TIAM1: variants seen among roughly 807,000 people sequenced by gnomAD.
TIAM1 encodes the protein TIAM Rac1 associated GEF 1, also known as rho guanine nucleotide exchange factor TIAM1.
In TIAM1, 65 loss-of-function variants were observed where a neutral mutation model predicts 163.5. The observed-to-expected ratio is 0.40, with a 90% CI of 0.33 to 0.49. The LOEUF (loss-of-function observed/expected upper bound fraction) is 0.49, where lower values mean the gene tolerates loss of function less well. Ranked by LOEUF, TIAM1 falls within the 20% of genes least tolerant of loss-of-function variation. The probability of loss-of-function intolerance (pLI) is 0.77; values close to 1 mark genes in which losing one functional copy is unlikely to be tolerated. For missense variants in TIAM1, 1,789 were observed against 2,044.7 expected, an observed-to-expected ratio of 0.87 and a Z score of 2.41; for synonymous variants, 833 against 810.1, an observed-to-expected ratio of 1.03 and a Z score of -0.48.
intron 4 of TIAM1, among the ~76,000 whole-genome samples, chr21:31,256,844 T>A (rs1033167613): frequency 6.6e-6 from 1 of 152,178 alleles, no homozygotes; most frequent in African/African-American, 2.4e-5. Context: ...AAAAGTGTCT[T>A]AAACTGAGCC....
chr21:31,164,852 A>C, intron 16 of TIAM1, 110 bp downstream of exon 16: 1 of 1,081,244 alleles, frequency 9.2e-7, no homozygotes, highest in Non-Finnish European at 1.4e-6. Flanking sequence ...AAGCAAAAAC[A>C]CTTCGTCCAT....
intron 3 of TIAM1, among the ~76,000 whole-genome samples, chr21:31,276,216 A>G (rs546679238): frequency 1.2e-4 from 18 of 152,322 alleles, no homozygotes; most frequent in East Asian, 1.2e-3. Context: ...CTAAATCGTT[A>G]CAACCCATGA....
At chr21:31,149,208 A>C (rs1351183877) in intron 19 of TIAM1, among the ~76,000 whole-genome samples, 1 of 152,194 alleles carries the variant, frequency 6.6e-6, no homozygotes, top group African/African-American at 2.4e-5. Context: ...AATTGAGAAG[A>C]GTGATGGTTG....
intron 1 of TIAM1, among the ~76,000 whole-genome samples, chr21:31,526,559 A>T (rs2047792146): frequency 6.6e-6 from 1 of 152,202 alleles, no homozygotes; most frequent in South Asian, 2.1e-4. Flanking sequence ...AGACGATATG[A>T]CAATGCTTTC....
At chr21:31,337,801 A>G (rs1452777034) in intron 2 of TIAM1, among the ~76,000 whole-genome samples, 1 of 151,954 alleles carries the variant, frequency 6.6e-6, no homozygotes, top group African/African-American at 2.4e-5. Flanking sequence ...AACTGCTGGG[A>G]TTACGGGTGT....
At chr21:31,366,014 G>T (rs1338089123) in intron 2 of TIAM1, among the ~76,000 whole-genome samples, 1 of 149,966 alleles carries the variant, frequency 6.7e-6, no homozygotes, top group East Asian at 2.0e-4. Flanking sequence ...CTTAACCCGG[G>T]AGGTGGAGGT....
intron 10 of TIAM1, 128 bp from the exon 11 acceptor site, chr21:31,210,343 G>C: frequency 1.1e-6 from 1 of 912,932 alleles, no homozygotes; most frequent in Non-Finnish European, 1.7e-6. Context: ...GGCAGTGGTG[G>C]GAGGCAGGGG....
At chr21:31,206,248 C>T (rs886738964) in intron 11 of TIAM1, among the ~76,000 whole-genome samples, 1 of 152,052 alleles carries the variant, frequency 6.6e-6, no homozygotes, top group Admixed American at 6.6e-5. Context: ...TTGTTAATCA[C>T]GGCTGGTCTA....
intron 2 of TIAM1, among the ~76,000 whole-genome samples, chr21:31,385,849 TA>T (rs2076858812): frequency 7.0e-6 from 1 of 142,254 alleles, no homozygotes; most frequent in African/African-American, 2.6e-5. Context: ...TATTTATATA[TA>T]ATACATATTG....
chr21:31,251,734 G>T lies in TIAM1; in HGVS notation c.1411+8C>A. On this transcript the variant is annotated splice_region_variant and intron_variant, in intron 5 of 27. Coordinates refer to ENST00000541036, the MANE Select transcript of TIAM1 (RefSeq NM_001353694.2). ...TTTGGCACATAGCCGGGGCCCTCCC[G>T]CTCTCACCTTTCAGGGACACCCAGT... 2 of 1,572,392 alleles carry T rather than the reference G, an allele frequency of 1.3e-6. No homozygotes were observed. Among genetic ancestry groups the T allele is most frequent in the African/African-American group, 2.7e-5 (2 of 74,368 alleles).
intron 2 of TIAM1, among the ~76,000 whole-genome samples, chr21:31,338,450 C>T (rs1423721915): frequency 6.6e-6 from 1 of 152,164 alleles, no homozygotes; most frequent in African/African-American, 2.4e-5. Flanking sequence ...GAGAGGAAGG[C>T]AAAGTTGAAA....
At chr21:31,511,662 T>C (rs2047214438) in intron 1 of TIAM1, among the ~76,000 whole-genome samples, 1 of 152,212 alleles carries the variant, frequency 6.6e-6, no homozygotes, top group African/African-American at 2.4e-5. Flanking sequence ...CTCTCAGTTG[T>C]ATGTGAAATC....
intron 2 of TIAM1, among the ~76,000 whole-genome samples, chr21:31,430,210 GAAAA>G (rs57117941): frequency 1.9e-3 from 172 of 89,418 alleles, no homozygotes; most frequent in African/African-American, 6.7e-3. Flanking sequence ...CCATCTCAAA[GAAAA>G]AAAAAAAAAA....
chr21:31,515,801 G>T (rs372761762), intron 1 of TIAM1, among the ~76,000 whole-genome samples: 200 of 152,244 alleles, frequency 1.3e-3, no homozygotes, highest in African/African-American at 4.7e-3. Context: ...ACCATTGTCT[G>T]CAGTAAGATT....
At chr21:31,269,590 C>G (rs555866333) in intron 3 of TIAM1, among the ~76,000 whole-genome samples, 1 of 151,852 alleles carries the variant, frequency 6.6e-6, no homozygotes, top group South Asian at 2.1e-4. Flanking sequence ...TCATTGCATA[C>G]AGGAGACACA....
chr21:31,311,416 C>G (rs2074925501), intron 2 of TIAM1, among the ~76,000 whole-genome samples: 1 of 152,170 alleles, frequency 6.6e-6, no homozygotes. Context: ...ACCATGGGTT[C>G]CAGGGATTAT....
rs552681769 is a variant in TIAM1 at position 31,533,424 on chromosome 21, C to T, written c.-422+25503G>A. 2.0e-4 allele frequency among the ~76,000 whole-genome samples: 31 copies of T among 152,246 alleles called. No homozygotes were observed. The Middle Eastern group carries it at 0.017, about 84-fold the overall frequency. ...CTATTTTATTCAACCAGGTATATCA[C>T]GGATACTATCATTTCAACATATAAT... On this transcript the variant is annotated intron_variant, in intron 1 of 28. Coordinates refer to the TIAM1 transcript ENST00000286827.
In TIAM1 at chr21:31,154,351, C is replaced by T; in HGVS notation, c.3067G>A (p.Asp1023Asn). 6.2e-7 allele frequency: 1 copy of T among 1,614,148 alleles called. No homozygotes were observed. The highest frequency in any genetic ancestry group is 8.5e-7 in the Non-Finnish European group (1 of 1,180,028). ...GTCGCCAGCTGAGGCCCCGTGGAGT[C>T]CTGAGGAGATGGGCTCTGGTCAGAG... ...NPSDQSPSPQ[D>N]STGPQLATMR... The change falls in exon 17 of 28, where the codon GAC becomes AAC. Residue 1023 changes from aspartate to asparagine, a missense_variant. Transcript: ENST00000541036.
chr21:31,418,267 G>A (rs376439417), intron 2 of TIAM1, among the ~76,000 whole-genome samples: 66 of 150,020 alleles, frequency 4.4e-4, no homozygotes, highest in African/African-American at 1.5e-3. Context: ...ACTTGAACCC[G>A]GCAGGCGGAA....
Sources: allele counts gnomAD v4.1 joint callset (sites outside exome capture counted in the v4.1 genomes callset), GRCh38; gene constraint gnomAD v4.1.1; transcripts MANE v1.5; gene names NCBI Gene and HGNC (gene_info 2026-07-23, HGNC 2026-07-21).